Variants in SNRK observed in about 807,000 individuals in gnomAD.
SNRK encodes SNF related kinase.
In SNRK, 3 loss-of-function variants were observed where a neutral mutation model predicts 48.2. The ratio of observed to expected loss-of-function variants is 0.06; its 90% CI spans 0.03 to 0.16. The LOEUF is 0.16. SNRK is among the 10% of genes least tolerant of loss of function. The probability of loss-of-function intolerance (pLI) is 1.00; values close to 1 mark genes in which losing one functional copy is unlikely to be tolerated. For missense variants in SNRK, 627 were observed against 976.0 expected, an observed-to-expected ratio of 0.64 and a Z score of 4.76; for synonymous variants, 376 against 366.1, an observed-to-expected ratio of 1.03 and a Z score of -0.31.
intron 1 of SNRK, among the ~76,000 whole-genome samples, chr3:43,286,898 T>TGGCGGCGGGGC (rs1322944977): frequency 1.4e-5 from 2 of 140,654 alleles, no homozygotes; most frequent in African/African-American, 2.5e-5. Context: ...CGGCGCGGCC[T>TGGCGGCGGGGC]GGCGGCGGGG....
At position 43,313,543 on chromosome 3, in the gene SNRK, C is replaced by T. The variant is rs1414396974; in HGVS notation, c.589+9751C>T. Among the ~76,000 whole-genome samples the T allele has an allele frequency of 3.9e-5, 6 of 152,200 alleles. No individual in the cohort carries two copies. In the East Asian group the frequency reaches 1.2e-3, roughly 29 times the overall value. ...TTGGTGGCTGCCAGGAATTAGAGAT[C>T]GTGGTGGGTGGTGTGCCTGTAAAAA... is the stretch of plus-strand genomic sequence containing the variant. On this transcript the variant is annotated intron_variant, in intron 3 of 6. Coordinates refer to ENST00000296088, the MANE Select transcript of SNRK (RefSeq NM_017719.5).
Position 43,348,097 on chromosome 3 carries a change from G to A in SNRK, c.1838G>A (p.Gly613Asp), listed in dbSNP as rs375560589. 1.4e-5 allele frequency: 22 copies of A among 1,588,952 alleles called. No individual in the cohort carries two copies. The highest frequency in any genetic ancestry group is 7.0e-5 in the Admixed American group (4 of 57,060). The change falls in exon 7 of 7, where the codon GGT (glycine) becomes GAT (aspartate). Residue 613 changes from glycine to aspartate, a missense_variant. This residue lies in a region of SNRK where 207 missense variants were observed against 234.3 expected (regional missense o/e 0.88). Coordinates refer to ENST00000296088, the MANE Select transcript of SNRK (RefSeq NM_017719.5). ...AGGGSPSSGSGGNPTNTSGTT... is the reference protein window; with the variant it reads ...AGGGSPSSGSDGNPTNTSGTT... ...GGGGGCAGTCCCTCCAGCGGCTCGGGTGGCAACCCCACCAATACATCGGGT... is the reference window on the plus strand; with the variant it reads ...GGGGGCAGTCCCTCCAGCGGCTCGGATGGCAACCCCACCAATACATCGGGT...
In SNRK at chr3:43,303,873, AT is replaced by A; in HGVS notation, c.589+84del. 1 of 1,033,114 alleles carries A rather than the reference AT, an allele frequency of 9.7e-7. No individual in the cohort carries two copies. Among genetic ancestry groups the A allele is most frequent in the East Asian group, 2.4e-5 (1 of 41,752 alleles). 64.0% of individuals were successfully genotyped at this position (1,033,114 alleles called of 1,614,324 possible). A position where few individuals can be genotyped will look rare whatever the true frequency, so the allele number is the denominator to read the frequency against. Reference sequence around the variant, plus strand: ...CAGATCGGTTGTTTATCTAAAAATGATTTCTAGAGAATTTCTGTTAAATTGG... The same window carrying A: ...CAGATCGGTTGTTTATCTAAAAATGATTCTAGAGAATTTCTGTTAAATTGG... On this transcript the variant is annotated intron_variant, in intron 3 of 6. Transcript: ENST00000296088. This position sits in a 1 kb window ranked among gnomAD's most constrained non-coding sequence, Gnocchi z 6.2.
chr3:43,317,676 A>G (rs1194614519), intron 3 of SNRK, among the ~76,000 whole-genome samples: 1 of 151,440 alleles, frequency 6.6e-6, no homozygotes, highest in African/African-American at 2.4e-5. Context: ...TGTTAGGCAC[A>G]CTCCAAGCCC....
chr3:43,343,563 T>G, intron 6 of SNRK, 85 bp downstream of exon 6: 1 of 1,405,188 alleles, frequency 7.1e-7, no homozygotes, highest in South Asian at 1.2e-5. Context: ...GCTTCCTAAC[T>G]CTTTGGGGCA....
At chr3:43,296,415 C>CATATATATATATAT (rs371078181) in intron 1 of SNRK, among the ~76,000 whole-genome samples, 1,442 of 127,126 alleles carry the variant, frequency 0.011, 15 homozygotes, top group Non-Finnish European at 0.014. Flanking sequence ...GATATACTGG[C>CATATATATATATAT]ATATATATAT....
At chr3:43,298,077 G>A (rs2090870358) in intron 1 of SNRK, among the ~76,000 whole-genome samples, 1 of 152,154 alleles carries the variant, frequency 6.6e-6, no homozygotes, top group Non-Finnish European at 1.5e-5. Flanking sequence ...TGCTTACTCT[G>A]TGCCAGGCAC....
intron 3 of SNRK, among the ~76,000 whole-genome samples, chr3:43,309,851 GTTGT>G (rs986909513): frequency 3.3e-5 from 5 of 151,952 alleles, no homozygotes; most frequent in East Asian, 1.9e-4. Context: ...AGTTTTTTTT[GTTGT>G]TTGTTTGTTT....
intron 1 of SNRK, among the ~76,000 whole-genome samples, chr3:43,290,169 ACTT>A (rs2090799886): frequency 6.6e-6 from 1 of 152,264 alleles, no homozygotes; most frequent in South Asian, 2.1e-4. Context: ...GGCAGAGACT[ACTT>A]CTTTGATCTG....
intron 3 of SNRK, among the ~76,000 whole-genome samples, chr3:43,325,411 C>T (rs1383430285): frequency 6.6e-6 from 1 of 152,094 alleles, no homozygotes; most frequent in African/African-American, 2.4e-5. Flanking sequence ...GTGATCCACC[C>T]GCCTTGGCCT....
intron 1 of SNRK, among the ~76,000 whole-genome samples, chr3:43,288,724 A>G (rs2090786586): frequency 6.6e-6 from 1 of 152,242 alleles, no homozygotes; most frequent in Non-Finnish European, 1.5e-5. Flanking sequence ...AAGGGTACAA[A>G]TGAACTTTCC....
At chr3:43,288,151 A>T (rs1029625202) in intron 1 of SNRK, among the ~76,000 whole-genome samples, 2 of 152,234 alleles carry the variant, frequency 1.3e-5, no homozygotes, top group African/African-American at 4.8e-5. Context: ...GAAGCAGTGT[A>T]GAAAGTCAGG....
At chr3:43,320,478 C>G (rs1306183129) in intron 3 of SNRK, among the ~76,000 whole-genome samples, 1 of 152,160 alleles carries the variant, frequency 6.6e-6, no homozygotes, top group Non-Finnish European at 1.5e-5. Context: ...TGATTCATCA[C>G]CACGTTCCAG....
At chr3:43,305,285 T>TA (rs1244121057) in intron 3 of SNRK, among the ~76,000 whole-genome samples, 1 of 152,146 alleles carries the variant, frequency 6.6e-6, no homozygotes, top group Non-Finnish European at 1.5e-5. Flanking sequence ...AGCTCTCACT[T>TA]ATGCATACAA....
chr3:43,338,845 C>T (rs567506131), intron 4 of SNRK, among the ~76,000 whole-genome samples: 1 of 152,108 alleles, frequency 6.6e-6, no homozygotes, highest in East Asian at 1.9e-4. Flanking sequence ...TGTATAGTAG[C>T]TTTATTTATA....
intron 3 of SNRK, among the ~76,000 whole-genome samples, chr3:43,322,945 C>A (rs2091065535): frequency 1.1e-3 from 2 of 1,864 alleles, no homozygotes; most frequent in Non-Finnish European, 0.014. Context: ...GAGTAAGACT[C>A]CGTCTCAAAA....
intron 3 of SNRK, among the ~76,000 whole-genome samples, chr3:43,323,166 A>G (rs1430827095): frequency 1.3e-5 from 2 of 152,156 alleles, no homozygotes; most frequent in Non-Finnish European, 2.9e-5. Context: ...TCAGTACCTC[A>G]CGCCATGTGT....
intron 3 of SNRK, among the ~76,000 whole-genome samples, chr3:43,325,025 T>C (rs2091084992): frequency 6.6e-6 from 1 of 152,266 alleles, no homozygotes. Flanking sequence ...CATTAAACTT[T>C]CTTTGCTTTT....
At chr3:43,295,914 T>C (rs1436130726) in intron 1 of SNRK, among the ~76,000 whole-genome samples, 1 of 152,128 alleles carries the variant, frequency 6.6e-6, no homozygotes, top group Non-Finnish European at 1.5e-5. Flanking sequence ...AATTTTTGTA[T>C]TTTTAATAGA....
Sources: allele counts gnomAD v4.1 joint callset (sites outside exome capture counted in the v4.1 genomes callset), GRCh38; gene constraint gnomAD v4.1.1; regional missense constraint gnomAD v4.1.1; non-coding constraint Gnocchi (gnomAD v3.1); transcripts MANE v1.5; gene names NCBI Gene and HGNC (gene_info 2026-07-23, HGNC 2026-07-21).